Variants in SLCO5A1 observed in about 807,000 individuals in gnomAD.
SLCO5A1 encodes the protein organic anion transporter polypeptide-related protein 4.
In SLCO5A1, 39 loss-of-function variants were observed where a neutral mutation model predicts 65.1. The observed-to-expected ratio is 0.60, with a 90% CI of 0.46 to 0.78. SLCO5A1 has a LOEUF of 0.78. Among genes scored for constraint, SLCO5A1 ranks in the 30% least tolerant of loss-of-function variants. The pLI is 0.00. For missense variants in SLCO5A1, 1,029 were observed against 1,069.4 expected, an observed-to-expected ratio of 0.96 and a Z score of 0.53; for synonymous variants, 438 against 415.7, an observed-to-expected ratio of 1.05 and a Z score of -0.65.
At chr8:69,810,451 C>A (rs1163404955) in intron 2 of SLCO5A1, among the ~76,000 whole-genome samples, 1 of 152,148 alleles carries the variant, frequency 6.6e-6, no homozygotes. Context: ...GCCGTTCCAG[C>A]TCCCACAGTA....
intron 6 of SLCO5A1, among the ~76,000 whole-genome samples, chr8:69,683,815 G>A (rs1813890604): frequency 6.6e-6 from 1 of 152,102 alleles, no homozygotes; most frequent in Non-Finnish European, 1.5e-5. Flanking sequence ...CTCCCCCTTG[G>A]CCTCCCAAAG....
At chr8:69,819,384 CA>C (rs1184104940) in intron 2 of SLCO5A1, among the ~76,000 whole-genome samples, 1 of 151,706 alleles carries the variant, frequency 6.6e-6, no homozygotes, top group Non-Finnish European at 1.5e-5. Context: ...TGCTTGGGTC[CA>C]GCATTGCCCA....
At chr8:69,713,120 C>T (rs1452055160) in intron 5 of SLCO5A1, among the ~76,000 whole-genome samples, 1 of 152,224 alleles carries the variant, frequency 6.6e-6, no homozygotes, top group African/African-American at 2.4e-5. Flanking sequence ...TCTGAAACCT[C>T]TTATCTGTTG....
intron 5 of SLCO5A1, among the ~76,000 whole-genome samples, chr8:69,725,655 G>A (rs1215491250): frequency 6.6e-6 from 1 of 152,172 alleles, no homozygotes; most frequent in Non-Finnish European, 1.5e-5. Context: ...GCCCTTTAGT[G>A]AAACATTGTC....
intron 5 of SLCO5A1, among the ~76,000 whole-genome samples, chr8:69,733,473 C>T (rs537452833): frequency 1.4e-4 from 21 of 152,140 alleles, no homozygotes; most frequent in African/African-American, 3.4e-4. Context: ...AACTAGTTAC[C>T]GGCAGTGAAT....
intron 2 of SLCO5A1, among the ~76,000 whole-genome samples, chr8:69,792,059 C>T (rs113601413): frequency 2.0e-5 from 3 of 152,244 alleles, no homozygotes; most frequent in African/African-American, 7.2e-5. Flanking sequence ...CTAGCTATTA[C>T]CCATCTTCTT....
At chr8:69,725,726 T>TGAAGGG (rs2130830790) in intron 5 of SLCO5A1, among the ~76,000 whole-genome samples, 1 of 152,330 alleles carries the variant, frequency 6.6e-6, no homozygotes, top group African/African-American at 2.4e-5. Flanking sequence ...AAAGTTTTTA[T>TGAAGGG]TCATTCCTTC....
chr8:69,700,732 GC>G (rs1224576840), intron 6 of SLCO5A1, among the ~76,000 whole-genome samples: 1 of 151,786 alleles, frequency 6.6e-6, no homozygotes, highest in Non-Finnish European at 1.5e-5. Flanking sequence ...TGACAATGGG[GC>G]AAAAACTTCA....
intron 2 of SLCO5A1, among the ~76,000 whole-genome samples, chr8:69,800,918 C>G (rs886896217): frequency 6.6e-6 from 1 of 152,194 alleles, no homozygotes; most frequent in Non-Finnish European, 1.5e-5. Flanking sequence ...TGGCCCCATC[C>G]AACGCCAAAG....
chr8:69,690,480 A>G (rs1035096515), intron 6 of SLCO5A1, among the ~76,000 whole-genome samples: 1 of 152,206 alleles, frequency 6.6e-6, no homozygotes, highest in Middle Eastern at 3.2e-3. Flanking sequence ...GGTTTGAATG[A>G]TATAATTGAA....
chr8:69,770,282 A>G (rs1818262048), intron 2 of SLCO5A1, among the ~76,000 whole-genome samples: 1 of 152,086 alleles, frequency 6.6e-6, no homozygotes, highest in South Asian at 2.1e-4. Flanking sequence ...TTGAAGCTTT[A>G]TTATGTATAT....
At chr8:69,708,263 G>A (rs551511736) in intron 5 of SLCO5A1, among the ~76,000 whole-genome samples, 1 of 152,284 alleles carries the variant, frequency 6.6e-6, no homozygotes, top group South Asian at 2.1e-4. Flanking sequence ...TAATCATGCA[G>A]GCTTCCTAAA....
intron 2 of SLCO5A1, among the ~76,000 whole-genome samples, chr8:69,810,236 C>T (rs1384667661): frequency 6.6e-6 from 1 of 152,160 alleles, no homozygotes; most frequent in Non-Finnish European, 1.5e-5. Flanking sequence ...CAGCTAAGAT[C>T]CAAGGAAATA....
At chr8:69,763,490 C>T (rs995418634) in intron 2 of SLCO5A1, among the ~76,000 whole-genome samples, 11 of 151,212 alleles carry the variant, frequency 7.3e-5, no homozygotes, top group Admixed American at 1.3e-4. Context: ...TGATGCATAC[C>T]TGTAATCCCA....
At chr8:69,789,117 T>G (rs1414333022) in intron 2 of SLCO5A1, among the ~76,000 whole-genome samples, 1 of 152,218 alleles carries the variant, frequency 6.6e-6, no homozygotes, top group Non-Finnish European at 1.5e-5. Context: ...GAACGCATTC[T>G]CAAGCAGTAA....
chr8:69,706,475 A>G (rs1814973255), intron 5 of SLCO5A1, among the ~76,000 whole-genome samples: 1 of 152,178 alleles, frequency 6.6e-6, no homozygotes, highest in Non-Finnish European at 1.5e-5. Flanking sequence ...AGTGATTAGG[A>G]GGTGGGGCCT....
chr8:69,706,415 T>C (rs962122702), intron 5 of SLCO5A1, among the ~76,000 whole-genome samples: 1 of 152,200 alleles, frequency 6.6e-6, no homozygotes, highest in Non-Finnish European at 1.5e-5. Flanking sequence ...TGCTGTGGTC[T>C]GAATGTTTGT....
chr8:69,679,125 G>A (rs751347248), intron 8 of SLCO5A1, among the ~76,000 whole-genome samples: 31 of 151,830 alleles, frequency 2.0e-4, no homozygotes, highest in East Asian at 3.9e-4. Flanking sequence ...ATCAAAAGAC[G>A]TTTCATTATA....
intron 6 of SLCO5A1, among the ~76,000 whole-genome samples, chr8:69,692,366 A>T (rs1288624605): frequency 6.6e-6 from 1 of 152,236 alleles, no homozygotes; most frequent in Non-Finnish European, 1.5e-5. Flanking sequence ...GTGAGTGGTG[A>T]GTGAATGTGA....
Sources: allele counts gnomAD v4.1 joint callset (sites outside exome capture counted in the v4.1 genomes callset), GRCh38; gene constraint gnomAD v4.1.1; transcripts MANE v1.5; gene names NCBI Gene and HGNC (gene_info 2026-07-23, HGNC 2026-07-21).